ARID1B: variants seen among roughly 807,000 people sequenced by gnomAD.
ARID1B encodes AT-rich interaction domain 1B, also known as AT-rich interactive domain-containing protein 1B.
A neutral mutation model predicts 212.3 loss-of-function variants in ARID1B; 30 were observed. The observed-to-expected ratio is 0.14, with a 90% CI of 0.11 to 0.19. The LOEUF (loss-of-function observed/expected upper bound fraction) is 0.19, where lower values mean the gene tolerates loss of function less well. ARID1B is among the 10% of genes least tolerant of loss of function. The pLI, the probability that ARID1B is intolerant of heterozygous loss-of-function variation, is 1.00. For synonymous variants in ARID1B, 1,402 were observed against 1,301.7 expected (o/e 1.08, Z -1.66); for missense variants, 2,891 against 3,204.0 (o/e 0.90, Z 2.36).
intron 5 of ARID1B, among the ~76,000 whole-genome samples, chr6:157,097,684 G>T (rs1388887178): frequency 1.3e-5 from 2 of 152,126 alleles, no homozygotes; most frequent in Non-Finnish European, 2.9e-5. Context: ...GCTTTAAAAA[G>T]GCCTGTCTCT....
intron 1 of ARID1B, among the ~76,000 whole-genome samples, chr6:156,823,466 T>C (rs1433221145): frequency 1.3e-5 from 2 of 152,172 alleles, no homozygotes; most frequent in African/African-American, 2.4e-5. Flanking sequence ...TGCCATTCGG[T>C]ACACAGCTGC....
intron 8 of ARID1B, among the ~76,000 whole-genome samples, chr6:157,153,702 T>A (rs1378987661): frequency 6.6e-6 from 1 of 152,190 alleles, no homozygotes; most frequent in Non-Finnish European, 1.5e-5. Context: ...CAGGCTTTAA[T>A]ATAGCTCACT....
intron 2 of ARID1B, among the ~76,000 whole-genome samples, chr6:156,897,677 T>C (rs897073515): frequency 2.0e-5 from 3 of 151,838 alleles, no homozygotes; most frequent in Non-Finnish European, 4.4e-5. Context: ...AATATATATA[T>C]ATATAGTTAG....
chr6:157,087,310 A>G (rs764974790), intron 5 of ARID1B, among the ~76,000 whole-genome samples: 17 of 152,176 alleles, frequency 1.1e-4, no homozygotes, highest in Admixed American at 6.5e-5. Context: ...CTGATAAACA[A>G]TTTTGGCATT....
At chr6:156,893,245 C>T (rs541517933) in intron 2 of ARID1B, among the ~76,000 whole-genome samples, 9 of 152,094 alleles carry the variant, frequency 5.9e-5, no homozygotes, top group South Asian at 4.2e-4. Context: ...AGGCTGGTCT[C>T]GAACTCCTGA....
At chr6:156,924,299 T>C (rs2128245117) in intron 3 of ARID1B, among the ~76,000 whole-genome samples, 1 of 152,374 alleles carries the variant, frequency 6.6e-6, no homozygotes, top group Admixed American at 6.5e-5. Context: ...AAAAGATTCA[T>C]TCTTTCCCTA....
intron 4 of ARID1B, among the ~76,000 whole-genome samples, chr6:157,067,558 T>C (rs991700616): frequency 2.6e-5 from 4 of 152,186 alleles, no homozygotes; most frequent in Non-Finnish European, 4.4e-5. Context: ...TGCTCAAATG[T>C]GCATGTATAG....
At chr6:156,776,097 A>C (rs953291034), upstream of ARID1B, among the ~76,000 whole-genome samples, 5 of 152,198 alleles carry the variant, frequency 3.3e-5, no homozygotes. Context: ...AGAATGAAAT[A>C]ATTTTGGAAA....
chr6:156,987,102 C>T (rs571451242), intron 4 of ARID1B, among the ~76,000 whole-genome samples: 7 of 151,482 alleles, frequency 4.6e-5, no homozygotes, highest in East Asian at 2.0e-4. Context: ...GGCTCTAGCC[C>T]GGGAGGTCCA....
intron 4 of ARID1B, among the ~76,000 whole-genome samples, chr6:157,078,542 A>G (rs958474572): frequency 2.0e-5 from 3 of 152,162 alleles, no homozygotes; most frequent in East Asian, 3.8e-4. Context: ...AACTGAGACT[A>G]TTTTAGGAAC....
rs59372719 is a variant in ARID1B at position 156,806,948 on chromosome 6, T to C, written c.1792-22279T>C. ...CTATGGATGCTGAAATTGAATTTCA[T>C]GTAATTTTACATGTCTTAAAATATT... On this transcript the variant is annotated intron_variant, in intron 1 of 19. Transcript: ENST00000636930. Among the ~76,000 whole-genome samples the C allele has an allele frequency of 3.8e-3, 580 of 152,382 alleles. 3 individuals carry two copies. The highest frequency in any genetic ancestry group is 0.013 in the African/African-American group (535 of 41,600).
intron 1 of ARID1B, among the ~76,000 whole-genome samples, chr6:156,785,524 G>T (rs540982245): frequency 3.6e-4 from 54 of 149,234 alleles, no homozygotes; most frequent in Non-Finnish European, 6.1e-4. Flanking sequence ...TAAATATATG[G>T]TTTTTTTTTT....
At chr6:156,889,198 AT>A (rs1787743115) in intron 2 of ARID1B, among the ~76,000 whole-genome samples, 1 of 152,328 alleles carries the variant, frequency 6.6e-6, no homozygotes, top group South Asian at 2.1e-4. Flanking sequence ...GAAATATGCT[AT>A]TTTTTAAGCT....
chr6:156,834,677 A>G (rs1783380203), intron 2 of ARID1B, among the ~76,000 whole-genome samples: 1 of 152,186 alleles, frequency 6.6e-6, no homozygotes, highest in Non-Finnish European at 1.5e-5. Context: ...CGTGTTCTGT[A>G]CTGAGACTTG....
rs534603522 is a variant in ARID1B, at chr6:156,980,527, T to C, written c.2247+44951T>C. 4.6e-5 allele frequency among the ~76,000 whole-genome samples: 7 copies of C among 151,058 alleles called. No individual in the cohort carries two copies. In the East Asian group the frequency reaches 7.8e-4, roughly 17 times the overall value. On this transcript the variant is annotated intron_variant, in intron 4 of 19. Transcript: ENST00000636930. ...AACAAAATAAGAATCATTGAGCTCC[T>C]TTCTGTGTGCCAGTCAATGTGCCAG...
At chr6:156,909,946 A>G (rs1199919009) in intron 3 of ARID1B, among the ~76,000 whole-genome samples, 2 of 152,216 alleles carry the variant, frequency 1.3e-5, no homozygotes. Context: ...ATTGTGATGG[A>G]CAGATAAAGC....
chr6:156,776,542 T>C (rs576254178), upstream of ARID1B: 3 of 152,364 alleles, frequency 2.0e-5, no homozygotes, highest in Admixed American at 6.5e-5. Flanking sequence ...AGCTAACCCA[T>C]AGCTGTCGCT....
At chr6:157,102,672 G>A (rs931350030) in intron 5 of ARID1B, among the ~76,000 whole-genome samples, 1 of 144,056 alleles carries the variant, frequency 6.9e-6, no homozygotes, top group Non-Finnish European at 1.5e-5. Flanking sequence ...GAGTACAGTG[G>A]CGCAATCTCT....
chr6:157,178,195 T>C (rs1216212978), intron 11 of ARID1B, among the ~76,000 whole-genome samples: 1 of 152,196 alleles, frequency 6.6e-6, no homozygotes, highest in Non-Finnish European at 1.5e-5. Flanking sequence ...TTATAGGATA[T>C]TTGAATCAGC....
Sources: allele counts gnomAD v4.1 joint callset (sites outside exome capture counted in the v4.1 genomes callset), GRCh38; gene constraint gnomAD v4.1.1; transcripts MANE v1.5; gene names NCBI Gene and HGNC (gene_info 2026-07-23, HGNC 2026-07-21).